Variants in COL9A1 observed in about 807,000 individuals in gnomAD.
COL9A1 encodes collagen alpha-1(IX) chain.
COL9A1 carries 104 observed loss-of-function variants against 142.6 expected under a neutral mutation model. The observed-to-expected ratio is 0.73, with a 90% CI of 0.62 to 0.86. COL9A1 has a LOEUF of 0.86. COL9A1 is among the 40% of genes least tolerant of loss of function. The probability of loss-of-function intolerance (pLI) is 0.00; values close to 1 mark genes in which losing one functional copy is unlikely to be tolerated. For synonymous variants in COL9A1, 466 were observed against 396.0 expected (o/e 1.18, Z -2.10); for missense variants, 1,210 against 1,176.6 (o/e 1.03, Z -0.42).
chr6:70,280,011 G>T lies in COL9A1; in HGVS notation c.975+801C>A, dbSNP rs1773041646. ...ATTCCAGGGACAAAATCAAGGACTGGTCTGTAGTGGGTCATTATTACATAT... is the reference window on the plus strand; with the variant it reads ...ATTCCAGGGACAAAATCAAGGACTGTTCTGTAGTGGGTCATTATTACATAT... On this transcript the variant is annotated intron_variant, in intron 10 of 37. Transcript: ENST00000357250. The T allele has an allele frequency of 7.1e-6, 5 of 699,600 alleles. No homozygotes were observed. In the African/African-American group the frequency reaches 8.8e-5, roughly 12 times the overall value. The allele number at this position is 699,600 out of a possible 1,614,324, so 43.3% of individuals were successfully genotyped here.
In COL9A1 at chr6:70,282,911, T is replaced by C; in HGVS notation, c.788A>G (p.Gln263Arg). The stretch of plus-strand genomic sequence containing the variant: ...CCCCCAACTTACCTCGTCGGTGGTC[T>C]GGCTGGGCTGGAGAAGAAAAGATGG... ...HELPARITPSQTTDERGPPGE... is the reference protein window; with the variant it reads ...HELPARITPSRTTDERGPPGE... Residue 263 changes from glutamine to arginine, a missense_variant, in exon 7 of 38, where the codon CAG becomes CGG. Coordinates refer to ENST00000357250, the MANE Select transcript of COL9A1 (RefSeq NM_001851.6). 6.2e-7 allele frequency: 1 copy of C among 1,614,136 alleles called. No individual in the cohort carries two copies. The highest frequency in any genetic ancestry group is 1.1e-5 in the South Asian group (1 of 91,072).
At chr6:70,264,782 C>T (rs182679277) in intron 18 of COL9A1, among the ~76,000 whole-genome samples, 148 of 152,148 alleles carry the variant, frequency 9.7e-4, no homozygotes, top group Middle Eastern at 3.4e-3. Flanking sequence ...TATTGACCTG[C>T]TGTATGATGT....
intron 8 of COL9A1, 73 bp downstream of exon 8, chr6:70,281,317 C>T: frequency 6.9e-7 from 1 of 1,455,988 alleles, no homozygotes; most frequent in Non-Finnish European, 9.4e-7. Context: ...AAAAAAACCC[C>T]ACAGGAGCCC....
rs1256431126 is a variant in COL9A1, at chr6:70,284,475, T to C, written c.697-655A>G. On this transcript the variant is annotated intron_variant, in intron 5 of 37. Coordinates refer to ENST00000357250, the MANE Select transcript of COL9A1 (RefSeq NM_001851.6). ...ATATAAAATATTTAATTTTTTATAA[T>C]CTTATTCATTGGTTGAAAAGATGTA... Among the ~76,000 whole-genome samples, 3 of 152,216 alleles carry C rather than the reference T, an allele frequency of 2.0e-5. No homozygotes were observed. In the East Asian group the frequency reaches 5.8e-4, roughly 29 times the overall value.
chr6:70,302,137 A>G, intron 1 of COL9A1, 63 bp from the exon 2 acceptor site: 1 of 1,036,412 alleles, frequency 9.6e-7, no homozygotes, highest in African/African-American at 1.6e-5. Context: ...ACACTTCCAT[A>G]TTTTCAAACC....
chr6:70,298,530 C>T (rs1213365207), intron 4 of COL9A1, among the ~76,000 whole-genome samples: 1 of 152,028 alleles, frequency 6.6e-6, no homozygotes, highest in Non-Finnish European at 1.5e-5. Flanking sequence ...CTTATGGGGG[C>T]AGGGAGTCAA....
At position 70,260,936 on chromosome 6, in the gene COL9A1, G is replaced by T. The variant is rs112742451; in HGVS notation, c.1396-226C>A. The T allele has an allele frequency of 1.1e-3, 495 of 458,662 alleles. 3 individuals carry two copies. The highest frequency in any genetic ancestry group is 8.7e-3 in the African/African-American group (442 of 50,892). 28.4% of individuals were successfully genotyped at this position (458,662 alleles called of 1,614,324 possible). A position where few individuals can be genotyped will look rare whatever the true frequency, so the allele number is the denominator to read the frequency against. ...AATTCTGAAGTCTTACACAAAACTG[G>T]AGTTGACAAAATCACTTATGACAAA... On this transcript the variant is annotated intron_variant, in intron 19 of 37. Coordinates refer to ENST00000357250, the MANE Select transcript of COL9A1 (RefSeq NM_001851.6).
intron 35 of COL9A1, 145 bp from the exon 36 acceptor site, chr6:70,232,916 A>T (rs1337164226): frequency 2.3e-6 from 2 of 869,088 alleles, no homozygotes; most frequent in Non-Finnish European, 1.9e-6. Flanking sequence ...AAAGTTGGAT[A>T]ATTTCTCTGT....
At chr6:70,260,753 A>G (rs1390379694) in intron 19 of COL9A1, 43 bp from the exon 20 acceptor site, 15 of 1,596,272 alleles carry the variant, frequency 9.4e-6, no homozygotes, top group African/African-American at 1.3e-5. Flanking sequence ...TAGTTGAAGC[A>G]AAGATTTTTA....
chr6:70,266,607 A>C, intron 18 of COL9A1, 110 bp downstream of exon 18: 1 of 882,578 alleles, frequency 1.1e-6, no homozygotes. Context: ...TTTAAAAAAG[A>C]ATGGTAAAAT....
At position 70,256,816 on chromosome 6, in the gene COL9A1, A is replaced by G; in HGVS notation, c.1455T>C (p.Ala485=). 1 of 1,613,852 alleles carries G rather than the reference A, an allele frequency of 6.2e-7. No homozygotes were observed. The highest frequency in any genetic ancestry group is 8.5e-7 in the Non-Finnish European group (1 of 1,179,944). ...GCCCAGGTTCACCATCTAAGCCCCG[A>G]GCACCCTGCAAAAAAACAAGACAAT... ...GIVGDKGEKG[A]RGLDGEPGPQ... is the part of the protein sequence containing the mutation. Residue 485 remains alanine (A), a synonymous_variant, in exon 21 of 38, where the codon GCT becomes GCC. Coordinates refer to ENST00000357250, the MANE Select transcript of COL9A1 (RefSeq NM_001851.6).
chr6:70,238,563 T>C (rs1770050101), intron 33 of COL9A1, among the ~76,000 whole-genome samples: 1 of 152,220 alleles, frequency 6.6e-6, no homozygotes, highest in Non-Finnish European at 1.5e-5. Context: ...TACTGAAATA[T>C]TTTTCAATGG....
At chr6:70,232,528 T>A (rs930272823) in intron 36 of COL9A1, 55 bp downstream of exon 36, 1 of 1,573,434 alleles carries the variant, frequency 6.4e-7, no homozygotes, top group Non-Finnish European at 8.7e-7. Flanking sequence ...TTGATACAGA[T>A]TATACATCTG....
chr6:70,301,495 T>C (rs1320282637), intron 2 of COL9A1, among the ~76,000 whole-genome samples: 1 of 152,192 alleles, frequency 6.6e-6, no homozygotes, highest in Non-Finnish European at 1.5e-5. Context: ...AAGAATCACT[T>C]GAACCTGGGA....
rs571803874 is a variant in COL9A1, at chr6:70,261,974, G to A, written c.1396-1264C>T. Reference sequence around the variant, plus strand: ...TGGCATACCTATTCCCAAATAGCAGGAGGTAATCAAGCACTAACGGATATC... The same window carrying A: ...TGGCATACCTATTCCCAAATAGCAGAAGGTAATCAAGCACTAACGGATATC... On this transcript the variant is annotated intron_variant, in intron 19 of 37. Coordinates refer to ENST00000357250, the MANE Select transcript of COL9A1 (RefSeq NM_001851.6). Among the ~76,000 whole-genome samples, 799 of 152,194 alleles carry A rather than the reference G, an allele frequency of 5.2e-3. 4 individuals are homozygous for A. The highest frequency in any genetic ancestry group is 0.018 in the African/African-American group (755 of 41,496).
chr6:70,240,795 A>T, intron 31 of COL9A1, 62 bp from the exon 32 acceptor site: 1 of 1,275,638 alleles, frequency 7.8e-7, no homozygotes, highest in Non-Finnish European at 1.1e-6. Flanking sequence ...AATTTTAACC[A>T]GTAAACATTG....
rs745637998 is a variant in COL9A1 at position 70,266,789 on chromosome 6, G to T, written c.1288-19C>A. The T allele has an allele frequency of 6.2e-7, 1 of 1,607,980 alleles. No homozygotes were observed. Among genetic ancestry groups the T allele is most frequent in the South Asian group, 1.1e-5 (1 of 90,948 alleles). On this transcript the variant is annotated intron_variant, in intron 17 of 37. Transcript: ENST00000357250. ...TATGACCCTAACAAATGCAAAATAA[G>T]TAATTGTCTTGAGTTTGGTACAGAA... is the stretch of plus-strand genomic sequence containing the variant.
intron 30 of COL9A1, 144 bp downstream of exon 30, chr6:70,241,820 G>A: frequency 1.3e-6 from 1 of 771,204 alleles, no homozygotes; most frequent in East Asian, 2.7e-5. Flanking sequence ...TCTCAACTCT[G>A]AGTAATTTAA....
Position 70,270,325 on chromosome 6 carries a change from G to A in COL9A1, c.1186C>T (p.Pro396Ser), listed in dbSNP as rs144009736. The part of the protein sequence containing the change: ...RRGPPGPPGP[P>S]GPRGTIGFHD... The stretch of plus-strand genomic sequence containing the variant: ...TGCAAATAACTTACTCTGGGTCCTG[G>A]GGGGCCAGGGGGGCCAGGTGGTCCT... The change falls in exon 15 of 38, where the codon CCA (proline) becomes TCA (serine). Residue 396 changes from proline to serine, a missense_variant. Coordinates refer to ENST00000357250, the MANE Select transcript of COL9A1 (RefSeq NM_001851.6). The A allele has an allele frequency of 1.9e-6, 3 of 1,613,438 alleles. No individual in the cohort carries two copies. The South Asian group carries it at 3.3e-5, about 18-fold the overall frequency.
Sources: gnomAD v4.1 joint callset for allele counts (sites outside exome capture counted in the v4.1 genomes callset) on GRCh38, gnomAD v4.1.1 for gene constraint, MANE v1.5 for transcripts, NCBI Gene and HGNC (gene_info 2026-07-23, HGNC 2026-07-21) for gene names.